ALK: variants seen among roughly 807,000 people sequenced by gnomAD.
ALK encodes ALK tyrosine kinase receptor.
ALK carries 74 observed loss-of-function variants against 163.1 expected under a neutral mutation model. The ratio of observed to expected loss-of-function variants is 0.45; its 90% confidence interval spans 0.38 to 0.55. ALK has a LOEUF of 0.55. ALK is among the 20% of genes least tolerant of loss of function. ALK has a pLI of 0.00. For synonymous variants in ALK, 960 were observed against 843.2 expected (o/e 1.14, Z -2.40); for missense variants, 2,063 against 2,105.3 (o/e 0.98, Z 0.39).
At chr2:29,328,940 T>A (rs1006884300) in intron 5 of ALK, among the ~76,000 whole-genome samples, 13 of 151,952 alleles carry the variant, frequency 8.6e-5, no homozygotes, top group African/African-American at 3.1e-4. Flanking sequence ...ACCACTGGAG[T>A]GACTTATTGA....
chr2:29,878,711 C>T (rs560349814), intron 1 of ALK, among the ~76,000 whole-genome samples: 1 of 152,088 alleles, frequency 6.6e-6, no homozygotes, highest in Non-Finnish European at 1.5e-5. Context: ...GATTATGGAG[C>T]AAGGAGGACT....
chr2:29,326,240 T>C (rs1437508789), intron 6 of ALK, among the ~76,000 whole-genome samples: 3 of 152,082 alleles, frequency 2.0e-5, no homozygotes, highest in Admixed American at 1.3e-4. Context: ...AGTGGTAAGC[T>C]TTGGAGTGGT....
chr2:29,231,285 C>T (rs1246247664), intron 15 of ALK, among the ~76,000 whole-genome samples: 3 of 152,198 alleles, frequency 2.0e-5, no homozygotes, highest in African/African-American at 2.4e-5. Flanking sequence ...TGGCATGAGC[C>T]GAGACCGTGC....
intron 1 of ALK, among the ~76,000 whole-genome samples, chr2:29,859,830 T>C (rs1201349912): frequency 6.6e-6 from 1 of 152,128 alleles, no homozygotes; most frequent in African/African-American, 2.4e-5. Context: ...AGTTGAGAGA[T>C]GTGCTATGAG....
At chr2:29,232,008 G>T (rs1664222423) in intron 15 of ALK, among the ~76,000 whole-genome samples, 1 of 152,194 alleles carries the variant, frequency 6.6e-6, no homozygotes, top group Admixed American at 6.5e-5. Flanking sequence ...GAGGAAGAAG[G>T]AATCTCAGGG....
intron 4 of ALK, among the ~76,000 whole-genome samples, chr2:29,410,866 A>T (rs1237422149): frequency 6.6e-6 from 1 of 152,206 alleles, no homozygotes; most frequent in African/African-American, 2.4e-5. Context: ...AACACTGGAC[A>T]CTTAGGCTAC....
intron 11 of ALK, among the ~76,000 whole-genome samples, chr2:29,265,626 A>G (rs1021819337): frequency 6.6e-6 from 1 of 152,244 alleles, no homozygotes; most frequent in African/African-American, 2.4e-5. Flanking sequence ...TTACTAAAAA[A>G]TAATAAAAAT....
chr2:29,365,658 A>T (rs867980247), intron 5 of ALK, among the ~76,000 whole-genome samples: 78 of 152,356 alleles, frequency 5.1e-4, no homozygotes, highest in Middle Eastern at 3.4e-3. Context: ...GAGTTCTACA[A>T]GCTCTGAATC....
At chr2:29,743,425 A>G (rs1272469243) in intron 1 of ALK, among the ~76,000 whole-genome samples, 1 of 152,216 alleles carries the variant, frequency 6.6e-6, no homozygotes, top group Non-Finnish European at 1.5e-5. Flanking sequence ...CCTTGGTGGT[A>G]TAAAATTAAA....
intron 3 of ALK, among the ~76,000 whole-genome samples, chr2:29,601,404 C>G (rs1675376406): frequency 6.6e-6 from 1 of 152,092 alleles, no homozygotes; most frequent in Non-Finnish European, 1.5e-5. Context: ...TTAGGGTTAT[C>G]TTGAGTATCA....
intron 1 of ALK, among the ~76,000 whole-genome samples, chr2:29,885,562 CA>C (rs34179501): frequency 0.031 from 4,112 of 132,916 alleles, 78 homozygotes; most frequent in Middle Eastern, 0.09. Context: ...ATGGATATGG[CA>C]AAAAAAAAAA....
At chr2:29,533,481 G>A (rs894559405) in intron 3 of ALK, among the ~76,000 whole-genome samples, 2 of 152,148 alleles carry the variant, frequency 1.3e-5, no homozygotes, top group African/African-American at 4.8e-5. Context: ...GGACTTCTAA[G>A]CAGTACTCTT....
chr2:29,560,473 G>T (rs1307054772), intron 3 of ALK, among the ~76,000 whole-genome samples: 1 of 152,182 alleles, frequency 6.6e-6, no homozygotes, highest in Admixed American at 6.5e-5. Context: ...TTTTTTTGGG[G>T]TGATAAAAAA....
chr2:29,355,650 T>C (rs1334849602), intron 5 of ALK, among the ~76,000 whole-genome samples: 2 of 152,214 alleles, frequency 1.3e-5, no homozygotes, highest in African/African-American at 4.8e-5. Flanking sequence ...AGGAAGCAGT[T>C]CTGCTGATTC....
chr2:29,675,519 G>A (rs2250087), intron 3 of ALK, among the ~76,000 whole-genome samples: 3 of 151,850 alleles, frequency 2.0e-5, no homozygotes, highest in Non-Finnish European at 2.9e-5. Flanking sequence ...CAGAGACCAG[G>A]GGGAGGTCCG....
intron 8 of ALK, among the ~76,000 whole-genome samples, chr2:29,314,108 C>T (rs1373983982): frequency 2.0e-5 from 3 of 152,054 alleles, no homozygotes; most frequent in Non-Finnish European, 2.9e-5. Flanking sequence ...AGCCTGTTTC[C>T]AGGGATGATC....
At chr2:29,396,653 T>G (rs1234377758) in intron 4 of ALK, among the ~76,000 whole-genome samples, 1 of 151,996 alleles carries the variant, frequency 6.6e-6, no homozygotes, top group Non-Finnish European at 1.5e-5. Flanking sequence ...CCAGCCTAGA[T>G]GACAGAGCGA....
At chr2:29,647,190 T>C (rs1676901479) in intron 3 of ALK, among the ~76,000 whole-genome samples, 1 of 152,208 alleles carries the variant, frequency 6.6e-6, no homozygotes, top group Non-Finnish European at 1.5e-5. Flanking sequence ...AATACGGCAA[T>C]GAACTTCTGC....
chr2:29,919,933 T>C, intron 1 of ALK, 60 bp downstream of exon 1: 1 of 1,580,840 alleles, frequency 6.3e-7, no homozygotes, highest in Admixed American at 1.7e-5. Context: ...TATTTAATGG[T>C]TGCATATCAA....
Sources: gnomAD v4.1 joint callset for allele counts (sites outside exome capture counted in the v4.1 genomes callset) on GRCh38, gnomAD v4.1.1 for gene constraint, MANE v1.5 for transcripts, NCBI Gene and HGNC (gene_info 2026-07-23, HGNC 2026-07-21) for gene names.